The following PRTFDC1 variants were observed in gnomAD, a reference collection of about 807,000 sequenced individuals.
PRTFDC1 encodes the protein phosphoribosyl transferase domain containing 1.
Under a neutral mutation model 34.6 loss-of-function variants are expected in PRTFDC1, and 38 were observed. The ratio of observed to expected loss-of-function variants is 1.10; its 90% CI spans 0.85 to 1.44. PRTFDC1 has a LOEUF of 1.44. Ranked by LOEUF, PRTFDC1 falls within the 40% of genes most tolerant of loss-of-function variation. PRTFDC1 has a pLI of 0.00. For missense variants in PRTFDC1, 270 were observed against 283.0 expected (o/e 0.95, Z 0.33); for synonymous variants, 93 against 98.1 (o/e 0.95, Z 0.31).
intron 4 of PRTFDC1, among the ~76,000 whole-genome samples, chr10:24,866,438 T>C (rs1336352022): frequency 6.6e-6 from 1 of 151,986 alleles, no homozygotes; most frequent in African/African-American, 2.4e-5. Flanking sequence ...AATCTTGGGC[T>C]TAACCTGCAC....
chr10:24,871,463 C>T (rs1404514040), intron 4 of PRTFDC1, among the ~76,000 whole-genome samples: 2 of 152,066 alleles, frequency 1.3e-5, no homozygotes, highest in African/African-American at 4.8e-5. Context: ...TTTGGAACTC[C>T]AAGTTAAAAC....
chr10:24,895,063 A>G (rs1190959834), intron 3 of PRTFDC1, among the ~76,000 whole-genome samples: 2 of 152,174 alleles, frequency 1.3e-5, no homozygotes, highest in Admixed American at 1.3e-4. Context: ...GTACCAGTCA[A>G]TGTCTCCTAA....
At chr10:24,880,988 C>T (rs774146482) in intron 3 of PRTFDC1, among the ~76,000 whole-genome samples, 3 of 142,080 alleles carry the variant, frequency 2.1e-5, no homozygotes, top group Non-Finnish European at 3.1e-5. Flanking sequence ...CTCCCTTCCT[C>T]CCTCCCTCCT....
At chr10:24,854,454 C>T (rs1015189129) in intron 7 of PRTFDC1, among the ~76,000 whole-genome samples, 1 of 152,212 alleles carries the variant, frequency 6.6e-6, no homozygotes, top group Admixed American at 6.5e-5. Flanking sequence ...ATCCATACTG[C>T]ACTTCTCTTT....
chr10:24,854,379 G>C (rs1847538805), intron 7 of PRTFDC1, among the ~76,000 whole-genome samples: 2 of 152,166 alleles, frequency 1.3e-5, no homozygotes, highest in African/African-American at 4.8e-5. Flanking sequence ...AACACATCCA[G>C]CACAGGCATG....
At chr10:24,851,306 A>G in intron 8 of PRTFDC1, 82 bp downstream of exon 8, 2 of 1,537,226 alleles carry the variant, frequency 1.3e-6, no homozygotes, top group East Asian at 2.3e-5. Context: ...AATAGCAGAC[A>G]TCACTAACAC....
intron 1 of PRTFDC1, among the ~76,000 whole-genome samples, chr10:24,945,310 C>T (rs2035888): frequency 0.39 from 58,605 of 152,058 alleles, 12,494 homozygotes; most frequent in Middle Eastern, 0.54. Flanking sequence ...ATGACACAGT[C>T]TCCATCTTCC....
In PRTFDC1 at chr10:24,889,534, A is replaced by G. The variant is rs192636662; in HGVS notation, c.340-17471T>C. Among the ~76,000 whole-genome samples the G allele has an allele frequency of 7.9e-5, 12 of 152,342 alleles. No individual in the cohort carries two copies. In the East Asian group the frequency reaches 2.3e-3, roughly 29 times the overall value. The stretch of plus-strand genomic sequence containing the variant: ...TAAGCAAAAAATTATTAACAATATC[A>G]TTAGGCATAATATAGAGCTAAGGGG... On this transcript the variant is annotated intron_variant, in intron 3 of 8. Transcript: ENST00000320152.
At position 24,858,290 on chromosome 10, in the gene PRTFDC1, G is replaced by A. The variant is rs977482943; in HGVS notation, c.423+102C>T. The A allele has an allele frequency of 6.2e-6, 8 of 1,300,638 alleles. No individual in the cohort carries two copies. The African/African-American group carries it at 1.0e-4, about 17-fold the overall frequency. 80.6% of individuals were successfully genotyped at this position (1,300,638 alleles called of 1,614,324 possible). A position where few individuals can be genotyped will look rare whatever the true frequency, so the allele number is the denominator to read the frequency against. ...TTTGGAGAGCATGCACCCAGTGGGA[G>A]CTCAAGAAATCCTTGGTCAATTTGA... On this transcript the variant is annotated intron_variant, in intron 5 of 8. Transcript: ENST00000320152.
chr10:24,879,177 G>A (rs16925112), intron 3 of PRTFDC1, among the ~76,000 whole-genome samples: 2,528 of 152,114 alleles, frequency 0.017, 71 homozygotes, highest in African/African-American at 0.057. Flanking sequence ...AGTATTCCTC[G>A]TTTTCCAATC....
intron 3 of PRTFDC1, among the ~76,000 whole-genome samples, chr10:24,919,735 T>C (rs1848752895): frequency 1.3e-5 from 2 of 152,012 alleles, no homozygotes; most frequent in African/African-American, 4.8e-5. Context: ...TCTATGCATC[T>C]GACAAAGGGC....
chr10:24,908,808 C>CA (rs1252351567), intron 3 of PRTFDC1: 2 of 1,382,868 alleles, frequency 1.4e-6, no homozygotes, highest in East Asian at 5.1e-5. Flanking sequence ...ATAGCCCTCA[C>CA]ATCCCCCTTT....
intron 1 of PRTFDC1, among the ~76,000 whole-genome samples, chr10:24,948,631 A>C (rs1849289000): frequency 6.6e-6 from 1 of 152,190 alleles, no homozygotes; most frequent in Non-Finnish European, 1.5e-5. Flanking sequence ...TATTTATATC[A>C]TCTGACTCTA....
intron 3 of PRTFDC1, among the ~76,000 whole-genome samples, chr10:24,928,425 G>A (rs7901363): frequency 0.32 from 48,947 of 151,734 alleles, 9,269 homozygotes; most frequent in African/African-American, 0.53. Flanking sequence ...TCCTGTCTCA[G>A]AAAGAAAAGG....
chr10:24,896,952 G>A (rs570050182), intron 3 of PRTFDC1, among the ~76,000 whole-genome samples: 9 of 152,300 alleles, frequency 5.9e-5, no homozygotes, highest in East Asian at 1.9e-4. Flanking sequence ...GTGCGAGTCC[G>A]TGGTCCCAGT....
intron 3 of PRTFDC1, among the ~76,000 whole-genome samples, chr10:24,887,794 G>A (rs1848195585): frequency 6.6e-6 from 1 of 152,154 alleles, no homozygotes; most frequent in South Asian, 2.1e-4. Flanking sequence ...TAGGCCAGAA[G>A]TGATCTCTCC....
intron 8 of PRTFDC1, among the ~76,000 whole-genome samples, 158 bp from the exon 9 acceptor site, chr10:24,850,049 C>G (rs1342712376): frequency 6.6e-6 from 1 of 151,962 alleles, no homozygotes; most frequent in Non-Finnish European, 1.5e-5. Flanking sequence ...CTAAAGAGAC[C>G]CATTCAAGTG....
intron 3 of PRTFDC1, among the ~76,000 whole-genome samples, chr10:24,932,630 A>C (rs561255199): frequency 8.0e-4 from 121 of 152,182 alleles, no homozygotes; most frequent in African/African-American, 2.2e-3. Context: ...GAAAACACTG[A>C]AATAAGATCT....
intron 3 of PRTFDC1, among the ~76,000 whole-genome samples, chr10:24,881,684 C>T (rs1848081754): frequency 6.6e-6 from 1 of 152,148 alleles, no homozygotes; most frequent in South Asian, 2.1e-4. Flanking sequence ...TCAACAATCA[C>T]TCTAGTTTAC....
Sources: allele counts gnomAD v4.1 joint callset (sites outside exome capture counted in the v4.1 genomes callset), GRCh38; gene constraint gnomAD v4.1.1; transcripts MANE v1.5; gene names NCBI Gene and HGNC (gene_info 2026-07-23, HGNC 2026-07-21).